RNF6: variants seen among roughly 807,000 people sequenced by gnomAD.
RNF6 encodes the protein E3 ubiquitin-protein ligase RNF6.
A neutral mutation model predicts 50.1 loss-of-function variants in RNF6; 21 were observed. That is an observed-to-expected ratio of 0.42 (90% confidence interval 0.30 to 0.60). The LOEUF (loss-of-function observed/expected upper bound fraction) is 0.60. RNF6 is among the 20% of genes least tolerant of loss of function. The pLI, the probability that RNF6 is intolerant of heterozygous loss-of-function variation, is 0.20. For missense variants in RNF6, 698 were observed against 838.2 expected (o/e 0.83, Z 2.07); for synonymous variants, 255 against 291.8 (o/e 0.87, Z 1.29).
At chr13:26,219,385 A>C in intron 3 of RNF6, 72 bp downstream of exon 3, 1 of 1,251,132 alleles carries the variant, frequency 8.0e-7, no homozygotes, top group Non-Finnish European at 1.1e-6. Context: ...AAGAATACCA[A>C]TTCTCCTTAT....
At chr13:26,149,775 C>A (rs1315037379) in intron 5 of RNF6, among the ~76,000 whole-genome samples, 2 of 150,410 alleles carry the variant, frequency 1.3e-5, no homozygotes, top group African/African-American at 2.4e-5. Context: ...TGGTTGACAT[C>A]CTCACTAATG....
chr13:26,200,234 C>T (rs1265764502), intron 5 of RNF6, among the ~76,000 whole-genome samples: 3 of 152,130 alleles, frequency 2.0e-5, no homozygotes, highest in African/African-American at 7.2e-5. Context: ...CAAATTAAAA[C>T]CATAACATTT....
At chr13:26,180,945 G>A (rs9581574) in intron 5 of RNF6, among the ~76,000 whole-genome samples, 3,624 of 152,344 alleles carry the variant, frequency 0.024, 61 homozygotes, top group South Asian at 0.043. Context: ...TGCACTTCCT[G>A]TAGTCGGAGA....
At chr13:26,208,282 C>G (rs143784273), downstream of RNF6, among the ~76,000 whole-genome samples, 32 of 152,302 alleles carry the variant, frequency 2.1e-4, no homozygotes, top group African/African-American at 7.5e-4. Context: ...ACTTGCTTTC[C>G]TCCTGGGAGT....
At position 26,218,545 on chromosome 13, in the gene RNF6, A is replaced by C; in HGVS notation, c.255T>G (p.Ser85=). Reference sequence around the variant, plus strand: ...TCGTTCCATCTCTCAAGTCAGGCTGAGATGCTAGTTGTTCCTTGACGCCAT... The same window carrying C: ...TCGTTCCATCTCTCAAGTCAGGCTGCGATGCTAGTTGTTCCTTGACGCCAT... ...RLDGVKEQLA[S]QPDLRDGTNY... The change falls in exon 4 of 5, where the codon TCT becomes TCG. Residue 85 remains serine, a synonymous_variant. Coordinates refer to ENST00000381588, the MANE Select transcript of RNF6 (RefSeq NM_005977.4). 1.2e-6 allele frequency: 2 copies of C among 1,613,922 alleles called. No individual in the cohort carries two copies. Among genetic ancestry groups the C allele is most frequent in the Non-Finnish European group, 1.7e-6 (2 of 1,179,856 alleles).
intron 5 of RNF6, among the ~76,000 whole-genome samples, chr13:26,161,584 A>G (rs1280501311): frequency 1.3e-5 from 2 of 152,210 alleles, no homozygotes; most frequent in Non-Finnish European, 2.9e-5. Flanking sequence ...TATTGCAAAT[A>G]GAATATTTTT....
chr13:26,193,994 G>C (rs1868562004), intron 5 of RNF6, among the ~76,000 whole-genome samples: 1 of 152,074 alleles, frequency 6.6e-6, no homozygotes, highest in South Asian at 2.1e-4. Flanking sequence ...GAAAGTAATG[G>C]AATTTTAAAT....
intron 5 of RNF6, among the ~76,000 whole-genome samples, chr13:26,182,720 G>C (rs1873301446): frequency 6.6e-6 from 1 of 152,144 alleles, no homozygotes; most frequent in Non-Finnish European, 1.5e-5. Flanking sequence ...TAGGAGGATT[G>C]CTTGAGCCTG....
intron 5 of RNF6, among the ~76,000 whole-genome samples, chr13:26,194,526 T>A (rs555017998): frequency 9.8e-4 from 149 of 152,288 alleles, no homozygotes; most frequent in Middle Eastern, 3.4e-3. Context: ...CTGCAGTTCC[T>A]TTTTACCCAG....
chr13:26,177,078 G>A (rs915307921), intron 5 of RNF6, among the ~76,000 whole-genome samples: 1 of 152,192 alleles, frequency 6.6e-6, no homozygotes. Flanking sequence ...GACCACCAGA[G>A]CTAGGAAAAG....
intron 4 of RNF6, among the ~76,000 whole-genome samples, chr13:26,217,812 T>C (rs1870052396): frequency 6.6e-6 from 1 of 152,210 alleles, no homozygotes; most frequent in South Asian, 2.1e-4. Context: ...AACAGCACAG[T>C]TGTAGAATCA....
intron 5 of RNF6, among the ~76,000 whole-genome samples, chr13:26,201,389 C>T (rs915219113): frequency 6.6e-6 from 1 of 151,492 alleles, no homozygotes; most frequent in Non-Finnish European, 1.5e-5. Context: ...GGCAGCCCCA[C>T]AAAAACCAGG....
chr13:26,168,894 T>C (rs1247006004), intron 5 of RNF6, among the ~76,000 whole-genome samples: 4 of 152,168 alleles, frequency 2.6e-5, no homozygotes, highest in Non-Finnish European at 5.9e-5. Flanking sequence ...TCCCAGCTAC[T>C]TGGAAGGCTG....
At chr13:26,151,624 T>TTTC (rs1438942067) in intron 5 of RNF6, among the ~76,000 whole-genome samples, 2 of 148,650 alleles carry the variant, frequency 1.3e-5, no homozygotes, top group Non-Finnish European at 3.0e-5. Flanking sequence ...TTTTTTTCTT[T>TTTC]TTTTTTTTTT....
intron 5 of RNF6, among the ~76,000 whole-genome samples, chr13:26,147,483 G>A (rs559923717): frequency 7.2e-5 from 11 of 152,324 alleles, no homozygotes; most frequent in African/African-American, 2.4e-4. Flanking sequence ...AGGAAGAGAG[G>A]CTTATACCAC....
chr13:26,157,824 A>C (rs1041009627), intron 5 of RNF6, among the ~76,000 whole-genome samples: 1 of 152,084 alleles, frequency 6.6e-6, no homozygotes, highest in Non-Finnish European at 1.5e-5. Flanking sequence ...TAGAAACTTT[A>C]CTCTGGTTAA....
intron 5 of RNF6, among the ~76,000 whole-genome samples, chr13:26,190,225 T>C (rs1387002892): frequency 6.6e-6 from 1 of 152,180 alleles, no homozygotes; most frequent in African/African-American, 2.4e-5. Context: ...AGGGAAAGGT[T>C]CTCTGAGGAC....
At chr13:26,154,453 A>G (rs1470173886) in intron 5 of RNF6, among the ~76,000 whole-genome samples, 1 of 152,222 alleles carries the variant, frequency 6.6e-6, no homozygotes, top group Non-Finnish European at 1.5e-5. Context: ...CATGATATCT[A>G]AACACATCCA....
intron 3 of RNF6, 69 bp from the exon 4 acceptor site, chr13:26,218,675 G>A: frequency 4.2e-6 from 5 of 1,187,562 alleles, no homozygotes; most frequent in Admixed American, 1.7e-5. Flanking sequence ...TGAAGGGTAA[G>A]ACTAATCTTT....
Sources: gnomAD v4.1 joint callset for allele counts (sites outside exome capture counted in the v4.1 genomes callset) on GRCh38, gnomAD v4.1.1 for gene constraint, MANE v1.5 for transcripts, NCBI Gene and HGNC (gene_info 2026-07-23, HGNC 2026-07-21) for gene names.